The following MOV10L1 variants were observed in gnomAD, a reference collection of about 807,000 sequenced individuals.
MOV10L1 encodes the protein RNA helicase Mov10l1.
A neutral mutation model predicts 143.8 loss-of-function variants in MOV10L1; 110 were observed. The observed-to-expected ratio is 0.76, with a 90% CI of 0.66 to 0.90. The LOEUF is 0.90. Ranked by LOEUF, MOV10L1 falls within the 40% of genes least tolerant of loss-of-function variation. The pLI is 0.00. For synonymous variants in MOV10L1, 593 were observed against 581.1 expected, an observed-to-expected ratio of 1.02 and a Z score of -0.29; for missense variants, 1,406 against 1,526.8, an observed-to-expected ratio of 0.92 and a Z score of 1.32.
intron 15 of MOV10L1, among the ~76,000 whole-genome samples, chr22:50,140,123 G>A (rs2062938396): frequency 6.6e-6 from 1 of 152,204 alleles, no homozygotes; most frequent in South Asian, 2.1e-4. Context: ...CATTGTGTTC[G>A]TACAATGGAA....
At chr22:50,127,738 T>C (rs191591543) in intron 12 of MOV10L1, among the ~76,000 whole-genome samples, 4 of 152,294 alleles carry the variant, frequency 2.6e-5, no homozygotes, top group African/African-American at 9.6e-5. Context: ...CTGGAGGGCT[T>C]TTCTACTAAA....
chr22:50,144,886 T>A (rs529474551), intron 18 of MOV10L1, among the ~76,000 whole-genome samples: 38 of 152,264 alleles, frequency 2.5e-4, no homozygotes, highest in Middle Eastern at 6.8e-3. Context: ...CGGCCTGGTT[T>A]GGTTTTAAGT....
chr22:50,125,508 T>A lies in MOV10L1; in HGVS notation c.1686T>A (p.Asn562Lys), dbSNP rs747190426. 6.2e-7 allele frequency: 1 copy of A among 1,614,110 alleles called. No homozygotes were observed. Among genetic ancestry groups the A allele is most frequent in the South Asian group, 1.1e-5 (1 of 91,080 alleles). The change falls in exon 11 of 27, where the codon AAT becomes AAA. Residue 562 changes from asparagine to lysine, a missense_variant. Asn to Lys is a moderately conservative substitution (Grantham distance 94). Transcript: ENST00000262794. ...TGAGCGGGATCATCTTAAGAAGGAATGGGGATCTGCTGGTTCTGGAGGTCC... is the reference window on the plus strand; with the variant it reads ...TGAGCGGGATCATCTTAAGAAGGAAAGGGGATCTGCTGGTTCTGGAGGTCC... ...YNMSGIILRR[N>K]GDLLVLEVPG...
At position 50,161,395 on chromosome 22, in the gene MOV10L1, C is replaced by T. The variant is rs777429305; in HGVS notation, c.3582C>T (p.Ser1194=). 6.2e-7 allele frequency: 1 copy of T among 1,601,504 alleles called. No individual in the cohort carries two copies. ...QNCGEGVADP[S]YPVVPESTGP... ...GTGGCGAGGGGGTGGCAGACCCCTCCTACCCAGTGGTGCCAGAATCCACAG... is the reference window on the plus strand; with the variant it reads ...GTGGCGAGGGGGTGGCAGACCCCTCTTACCCAGTGGTGCCAGAATCCACAG... Residue 1194 remains serine (S), a synonymous_variant, in exon 27 of 27, where the codon TCC becomes TCT. Coordinates refer to ENST00000262794, the MANE Select transcript of MOV10L1 (RefSeq NM_018995.3).
intron 12 of MOV10L1, among the ~76,000 whole-genome samples, 160 bp downstream of exon 12, chr22:50,126,432 A>G (rs2062508319): frequency 2.0e-5 from 3 of 152,266 alleles, no homozygotes; most frequent in Admixed American, 2.0e-4. Flanking sequence ...TTTTTGATGC[A>G]TAAAGGAAAC....
At position 50,091,951 on chromosome 22, in the gene MOV10L1, C is replaced by T. The variant is rs769876284; in HGVS notation, c.98-50C>T. The T allele has an allele frequency of 1.0e-5, 16 of 1,563,838 alleles. No individual in the cohort carries two copies. In the Admixed American group the frequency reaches 1.1e-4, roughly 10 times the overall value. ...CTTTCTCTGGTGGGGTTCACTGTAG[C>T]GTACGCTTGCTTTTATGGCCAAGAT... On this transcript the variant is annotated intron_variant, in intron 1 of 26. Transcript: ENST00000262794.
chr22:50,134,667 A>C (rs749335076), intron 15 of MOV10L1, 37 bp downstream of exon 15: 3 of 1,580,474 alleles, frequency 1.9e-6, no homozygotes, highest in Non-Finnish European at 2.6e-6. Context: ...TACACAGGGG[A>C]TGGCTCAGCG....
intron 19 of MOV10L1, among the ~76,000 whole-genome samples, chr22:50,149,066 G>A (rs1022644610): frequency 2.0e-5 from 3 of 152,234 alleles, no homozygotes; most frequent in African/African-American, 4.8e-5. Flanking sequence ...TGGCTCACAA[G>A]GATGAGTCAG....
intron 13 of MOV10L1, among the ~76,000 whole-genome samples, chr22:50,130,142 G>A (rs2340598): frequency 0.22 from 33,989 of 151,832 alleles, 4,115 homozygotes; most frequent in Admixed American, 0.35. Context: ...GGGCATGATG[G>A]CACATGCCTG....
intron 17 of MOV10L1, 156 bp downstream of exon 17, chr22:50,143,377 A>G: frequency 1.2e-6 from 1 of 843,076 alleles, no homozygotes; most frequent in South Asian, 1.4e-5. Flanking sequence ...GTTTTTGTGG[A>G]TATGTAGGGA....
intron 10 of MOV10L1, among the ~76,000 whole-genome samples, chr22:50,120,853 A>G (rs536840596): frequency 1.3e-5 from 2 of 152,358 alleles, no homozygotes; most frequent in South Asian, 4.1e-4. Context: ...GGGGTCACGC[A>G]CAGGGCCTTT....
chr22:50,141,985 T>G (rs1193786512), intron 15 of MOV10L1, 96 bp from the exon 16 acceptor site: 1 of 841,342 alleles, frequency 1.2e-6, no homozygotes, highest in Non-Finnish European at 1.8e-6. Flanking sequence ...ATAAATATAC[T>G]AAGTAGAACA....
At chr22:50,139,168 G>A (rs572296554) in intron 15 of MOV10L1, among the ~76,000 whole-genome samples, 2 of 152,242 alleles carry the variant, frequency 1.3e-5, no homozygotes, top group South Asian at 2.1e-4. Flanking sequence ...CACGTGGTCT[G>A]TAAATGCAGG....
chr22:50,113,541 GTGGTCCT>G (rs533753252), intron 5 of MOV10L1, 100 bp from the exon 6 acceptor site: 2 of 1,449,464 alleles, frequency 1.4e-6, no homozygotes, highest in African/African-American at 2.8e-5. Flanking sequence ...CTGTGGTGAG[GTGGTCCT>G]CTGAGTGCCC....
chr22:50,103,707 T>C (rs987048311), intron 3 of MOV10L1, among the ~76,000 whole-genome samples: 2 of 152,104 alleles, frequency 1.3e-5, no homozygotes, highest in Non-Finnish European at 1.5e-5. Context: ...TTTCACAGGT[T>C]CTTATTGTAG....
chr22:50,122,930 C>T (rs1255097011), intron 10 of MOV10L1, among the ~76,000 whole-genome samples: 4 of 152,060 alleles, frequency 2.6e-5, no homozygotes, highest in Admixed American at 2.6e-4. Context: ...TCTTACAATC[C>T]TCCCGCCTTG....
rs557171757 is a variant in MOV10L1, at chr22:50,146,252, G to A, written c.2627+442G>A. 3.0e-3 allele frequency among the ~76,000 whole-genome samples: 459 copies of A among 152,250 alleles called. 6 individuals are homozygous for A. The highest frequency in any genetic ancestry group is 0.01 in the African/African-American group (433 of 41,540). On this transcript the variant is annotated intron_variant, in intron 19 of 26. Coordinates refer to ENST00000262794, the MANE Select transcript of MOV10L1 (RefSeq NM_018995.3). ...GTGAGTCTCTTGGAGTGGGCGTGGG[G>A]AGGCAGGCTGCCTAGGAAACGGCTG...
rs76103984 is a variant in MOV10L1, at chr22:50,129,922, T to C, written c.1910+1415T>C. ...ATTGTTGTGGGAGTCCTTTCTGTAT[T>C]CCTTATGATAAACTATTCTTAGGTA... On this transcript the variant is annotated intron_variant, in intron 13 of 26. Coordinates refer to ENST00000262794, the MANE Select transcript of MOV10L1 (RefSeq NM_018995.3). 7.8e-3 allele frequency among the ~76,000 whole-genome samples: 1,191 copies of C among 152,340 alleles called. 17 individuals are homozygous for C. The highest frequency in any genetic ancestry group is 0.027 in the African/African-American group (1,143 of 41,566).
rs1042014057 is a variant in MOV10L1, at chr22:50,125,281, G to A, written c.1570-111G>A. On this transcript the variant is annotated intron_variant, in intron 10 of 26. Transcript: ENST00000262794. The stretch of plus-strand genomic sequence containing the variant: ...GACTCCGGCGAGGATCGCCCCACCT[G>A]GGGGGCCATCTGCTGAACTGGAGCT... 3.6e-6 allele frequency: 4 copies of A among 1,099,986 alleles called. No homozygotes were observed. In the Admixed American group the frequency reaches 6.5e-5, roughly 18 times the overall value. The allele number at this position is 1,099,986 out of a possible 1,614,324, so 68.1% of individuals were successfully genotyped here. A position where few individuals can be genotyped will look rare whatever the true frequency, so the allele number is the denominator to read the frequency against.
Sources: gnomAD v4.1 joint callset for allele counts (sites outside exome capture counted in the v4.1 genomes callset) on GRCh38, gnomAD v4.1.1 for gene constraint, MANE v1.5 for transcripts, NCBI Gene and HGNC (gene_info 2026-07-23, HGNC 2026-07-21) for gene names.